SLC44A5: variants seen among roughly 807,000 people sequenced by gnomAD.
SLC44A5 encodes choline transporter-like protein 5.
Under a neutral mutation model 101.8 loss-of-function variants are expected in SLC44A5, and 57 were observed. The ratio of observed to expected loss-of-function variants is 0.56; its 90% CI spans 0.45 to 0.70. The LOEUF (loss-of-function observed/expected upper bound fraction) is 0.70, where lower values mean the gene tolerates loss of function less well. Among genes scored for constraint, SLC44A5 ranks in the 30% least tolerant of loss-of-function variants. SLC44A5 has a pLI of 0.00. For synonymous variants in SLC44A5, 281 were observed against 290.9 expected (o/e 0.97, Z 0.35); for missense variants, 737 against 853.1 (o/e 0.86, Z 1.70).
chr1:75,253,326 T>G (rs1180801471), intron 6 of SLC44A5, among the ~76,000 whole-genome samples: 1 of 151,646 alleles, frequency 6.6e-6, no homozygotes, highest in Non-Finnish European at 1.5e-5. Context: ...AATCTTAAAT[T>G]GGACTACATT....
At chr1:75,593,963 G>T (rs1674499783) in intron 1 of SLC44A5, among the ~76,000 whole-genome samples, 1 of 151,944 alleles carries the variant, frequency 6.6e-6, no homozygotes, top group Non-Finnish European at 1.5e-5. Flanking sequence ...ACAACAGGGT[G>T]ACTATACATT....
intron 3 of SLC44A5, among the ~76,000 whole-genome samples, chr1:75,392,566 A>G (rs1661862428): frequency 6.6e-6 from 1 of 152,196 alleles, no homozygotes; most frequent in African/African-American, 2.4e-5. Flanking sequence ...AATGTAAATG[A>G]GTTCAGTCAC....
At chr1:75,263,488 T>C (rs1201960181) in intron 6 of SLC44A5, among the ~76,000 whole-genome samples, 1 of 152,146 alleles carries the variant, frequency 6.6e-6, no homozygotes, top group Non-Finnish European at 1.5e-5. Flanking sequence ...CAACAGATGC[T>C]GGAGAGGATG....
rs1015137957 is a variant in SLC44A5 at position 75,477,288 on chromosome 1, A to G, written c.13+64147T>C. ...TCATCAAAGACTAAAAGTAGATAAA[A>G]CCACAAAGACGGGGGAAAAAACAGA... On this transcript the variant is annotated intron_variant, in intron 2 of 23. Transcript: ENST00000370859. Among the ~76,000 whole-genome samples, 12 of 152,252 alleles carry G rather than the reference A, an allele frequency of 7.9e-5. 1 individual carries two copies. Among genetic ancestry groups the G allele is most frequent in the African/African-American group, 2.9e-4 (12 of 41,546 alleles).
intron 13 of SLC44A5, among the ~76,000 whole-genome samples, chr1:75,226,863 A>G (rs1030642245): frequency 1.7e-4 from 26 of 152,184 alleles, no homozygotes; most frequent in Non-Finnish European, 2.9e-4. Flanking sequence ...TCCTGCTTAA[A>G]AAATTTTGTT....
chr1:75,671,436 G>C, the SLC44A5 span, among the ~76,000 whole-genome samples: 6 of 139,892 alleles, frequency 4.3e-5, no homozygotes, highest in African/African-American at 1.5e-4. Flanking sequence ...AGGAGTTAGA[G>C]AAGCAGAGAG....
the SLC44A5 span, among the ~76,000 whole-genome samples, chr1:75,708,254 T>C: frequency 4.3e-5 from 6 of 138,844 alleles, no homozygotes; most frequent in Non-Finnish European, 7.7e-5. Flanking sequence ...CTACTGAAAA[T>C]ACAAAAAAAA....
intron 2 of SLC44A5, among the ~76,000 whole-genome samples, chr1:75,422,511 T>C (rs1278842296): frequency 1.3e-5 from 2 of 152,220 alleles, no homozygotes; most frequent in South Asian, 2.1e-4. Context: ...TAAACTTTAG[T>C]TTATTTAGTT....
chr1:75,549,515 T>C (rs1375271974), intron 1 of SLC44A5, among the ~76,000 whole-genome samples: 2 of 152,156 alleles, frequency 1.3e-5, no homozygotes, highest in East Asian at 3.8e-4. Context: ...ATTTTATTCA[T>C]TTATTCAACA....
chr1:75,444,425 GAA>G (rs1665395833), intron 2 of SLC44A5, among the ~76,000 whole-genome samples: 1 of 133,272 alleles, frequency 7.5e-6, no homozygotes, highest in Non-Finnish European at 1.6e-5. Context: ...GAGAGAGAGA[GAA>G]AGAAAGACAG....
At chr1:75,269,455 T>C (rs1397738648) in intron 6 of SLC44A5, among the ~76,000 whole-genome samples, 1 of 152,116 alleles carries the variant, frequency 6.6e-6, no homozygotes, top group African/African-American at 2.4e-5. Flanking sequence ...TTTGGTGTTA[T>C]CTTTAGAAAA....
the SLC44A5 span, among the ~76,000 whole-genome samples, chr1:75,698,292 G>A: frequency 2.2e-4 from 34 of 152,162 alleles, no homozygotes; most frequent in African/African-American, 7.0e-4. Flanking sequence ...CTCCCAGTAC[G>A]CAGCTGGAGA....
chr1:75,493,970 G>A (rs1365979531), intron 2 of SLC44A5, among the ~76,000 whole-genome samples: 1 of 152,148 alleles, frequency 6.6e-6, no homozygotes, highest in Non-Finnish European at 1.5e-5. Context: ...CTAGTCCTCT[G>A]GAAGCATAAA....
chr1:75,290,833 C>T (rs602981), intron 5 of SLC44A5, among the ~76,000 whole-genome samples: 105,577 of 152,120 alleles, frequency 0.69, 37,297 homozygotes, highest in East Asian at 0.96. Flanking sequence ...TACAGCAAGA[C>T]ATTCAGCACT....
intron 1 of SLC44A5, among the ~76,000 whole-genome samples, chr1:75,586,901 T>G (rs1431041392): frequency 2.3e-5 from 2 of 88,302 alleles, no homozygotes; most frequent in African/African-American, 6.4e-5. Context: ...TAGAGTAAGT[T>G]TTGTGATTTT....
intron 5 of SLC44A5, among the ~76,000 whole-genome samples, chr1:75,283,506 C>G (rs940233959): frequency 6.6e-6 from 1 of 151,770 alleles, no homozygotes; most frequent in African/African-American, 2.4e-5. Context: ...TAGTTAAGTC[C>G]CATCAATTTA....
At position 75,350,082 on chromosome 1, in the gene SLC44A5, GC is replaced by G. The variant is rs550075752; in HGVS notation, c.53-10453del. Reference sequence around the variant, plus strand: ...AGTTTATATGTTGAAGTCCTACCGCGCCCCCCCCAACTCCAGCCCAACTATG... The same window carrying G: ...AGTTTATATGTTGAAGTCCTACCGCGCCCCCCCAACTCCAGCCCAACTATG... On this transcript the variant is annotated intron_variant, in intron 3 of 23. Coordinates refer to ENST00000370859, the MANE Select transcript of SLC44A5 (RefSeq NM_001130058.2). Among the ~76,000 whole-genome samples the G allele has an allele frequency of 1.3e-4, 20 of 151,538 alleles. No individual in the cohort carries two copies. The South Asian group carries it at 2.7e-3, about 21-fold the overall frequency.
At chr1:75,673,663 G>A in the SLC44A5 span, among the ~76,000 whole-genome samples, 3 of 152,144 alleles carry the variant, frequency 2.0e-5, no homozygotes, top group Admixed American at 1.3e-4. Flanking sequence ...CCCCAGTGCT[G>A]GCGACCACAA....
chr1:75,611,085 T>C lies in SLC44A5; in HGVS notation c.-115A>G. 1 of 985,312 alleles carries C rather than the reference T, an allele frequency of 1.0e-6. No homozygotes were observed. Among genetic ancestry groups the C allele is most frequent in the Non-Finnish European group, 1.2e-6 (1 of 829,876 alleles). The allele number at this position is 985,312 out of a possible 1,614,324, so 61.0% of individuals were successfully genotyped here. On this transcript the variant is annotated 5_prime_UTR_variant, in exon 1 of 24. Coordinates refer to ENST00000370859, the MANE Select transcript of SLC44A5 (RefSeq NM_001130058.2). ...CAATAACTCCATCAACACTGAACCT[T>C]CTAACTCTAACATGCTACGATTCAC... is the stretch of plus-strand genomic sequence containing the variant.
Sources: allele counts gnomAD v4.1 joint callset (sites outside exome capture counted in the v4.1 genomes callset), GRCh38; gene constraint gnomAD v4.1.1; transcripts MANE v1.5; gene names NCBI Gene and HGNC (gene_info 2026-07-23, HGNC 2026-07-21).